PCYOX1L: variants seen among roughly 807,000 people sequenced by gnomAD.
PCYOX1L encodes prenylcysteine oxidase 1 like, also known as prenylcysteine oxidase 1-like.
PCYOX1L carries 40 observed loss-of-function variants against 44.1 expected under a neutral mutation model. The observed-to-expected ratio is 0.91, with a 90% CI of 0.70 to 1.18. The LOEUF is 1.18. Among genes scored for constraint, PCYOX1L ranks in the 50% most tolerant of loss-of-function variants. PCYOX1L has a pLI of 0.00. For missense variants in PCYOX1L, 605 were observed against 653.3 expected (o/e 0.93, Z 0.81); for synonymous variants, 266 against 282.8 (o/e 0.94, Z 0.60).
Position 149,368,095 on chromosome 5 carries a change from G to A in PCYOX1L, c.926G>A (p.Ser309Asn), listed in dbSNP as rs147845209. ...GCCACCCCCCTGCACCTGGACAACAGCAGCAGCAACTTAACCTTTGCAGGC... is the reference window on the plus strand; with the variant it reads ...GCCACCCCCCTGCACCTGGACAACAACAGCAGCAACTTAACCTTTGCAGGC... Reference protein sequence around the residue: ...VIATPLHLDNSSSNLTFAGFH... With the variant: ...VIATPLHLDNNSSNLTFAGFH... The change falls in exon 6 of 6, where the codon AGC (serine) becomes AAC (asparagine). Residue 309 changes from serine (S) to asparagine (N), a missense_variant. Coordinates refer to ENST00000274569, the MANE Select transcript of PCYOX1L (RefSeq NM_024028.4). The A allele has an allele frequency of 1.2e-5, 19 of 1,611,636 alleles. No individual in the cohort carries two copies. Among genetic ancestry groups the A allele is most frequent in the Non-Finnish European group, 1.4e-5 (17 of 1,178,784 alleles).
Position 149,363,727 on chromosome 5 carries a change from A to G in PCYOX1L, c.296-309A>G, listed in dbSNP as rs1758098584. On this transcript the variant is annotated intron_variant, in intron 2 of 5. Coordinates refer to ENST00000274569, the MANE Select transcript of PCYOX1L (RefSeq NM_024028.4). The stretch of plus-strand genomic sequence containing the variant: ...AACTTCCAAGTGATCTCAGTGCCCA[A>G]GGCCACCATCTCCAAACAAGCCCAG... 8.2e-6 allele frequency: 3 copies of G among 366,576 alleles called. No individual in the cohort carries two copies. The South Asian group carries it at 9.0e-5, about 11-fold the overall frequency. 22.7% of individuals were successfully genotyped at this position (366,576 alleles called of 1,614,324 possible). A position where few individuals can be genotyped will look rare whatever the true frequency, so the allele number is the denominator to read the frequency against.
chr5:149,366,493 T>C (rs1241110340), intron 4 of PCYOX1L, among the ~76,000 whole-genome samples: 1 of 152,210 alleles, frequency 6.6e-6, no homozygotes, highest in Non-Finnish European at 1.5e-5. Context: ...TGTTGAGGCC[T>C]TTGAGCCACT....
At chr5:149,360,298 A>G (rs1272304464) in intron 1 of PCYOX1L, among the ~76,000 whole-genome samples, 1 of 152,216 alleles carries the variant, frequency 6.6e-6, no homozygotes, top group Non-Finnish European at 1.5e-5. Flanking sequence ...CTGGTTCACA[A>G]TGAAGTGGTG....
At chr5:149,367,590 T>A in intron 5 of PCYOX1L, 90 bp downstream of exon 5, 1 of 1,542,232 alleles carries the variant, frequency 6.5e-7, no homozygotes, top group Non-Finnish European at 8.7e-7. Context: ...CCCTGGTCTG[T>A]GATCCCCCTG....
chr5:149,367,667 C>G (rs1007920879), intron 5 of PCYOX1L, among the ~76,000 whole-genome samples, 167 bp downstream of exon 5: 7 of 152,212 alleles, frequency 4.6e-5, no homozygotes, highest in African/African-American at 1.7e-4. Context: ...GGTGCTGTTT[C>G]CCCAATTCAG....
Position 149,368,386 on chromosome 5 carries a change from A to G in PCYOX1L, c.1217A>G (p.Gln406Arg). 6.2e-7 allele frequency: 1 copy of G among 1,614,174 alleles called. No individual in the cohort carries two copies. Among genetic ancestry groups the G allele is most frequent in the Non-Finnish European group, 8.5e-7 (1 of 1,180,026 alleles). The change falls in exon 6 of 6, where the codon CAG (glutamine) becomes CGG (arginine). Residue 406 changes from glutamine to arginine, a missense_variant. Physicochemically the swap from Gln to Arg is conservative, Grantham distance 43 (BLOSUM62 1). Coordinates refer to ENST00000274569, the MANE Select transcript of PCYOX1L (RefSeq NM_024028.4). ...VQSPKPLFRT[Q>R]LKTLFRSYYS... The stretch of plus-strand genomic sequence containing the variant: ...TCCCCCAAGCCCCTCTTTCGGACCC[A>G]GCTAAAGACCCTGTTCCGTTCCTAT...
At chr5:149,361,828 A>G (rs1296565581) in intron 1 of PCYOX1L, among the ~76,000 whole-genome samples, 1 of 152,160 alleles carries the variant, frequency 6.6e-6, no homozygotes, top group Non-Finnish European at 1.5e-5. Context: ...GGGTTTCACC[A>G]TGTTTGTCAG....
chr5:149,360,469 G>A (rs1236790968), intron 1 of PCYOX1L, among the ~76,000 whole-genome samples: 4 of 152,136 alleles, frequency 2.6e-5, no homozygotes, highest in Non-Finnish European at 4.4e-5. Context: ...ACTGTGAGAG[G>A]AAGTGGTTTA....
chr5:149,367,839 C>T (rs932509519), intron 5 of PCYOX1L, among the ~76,000 whole-genome samples, 154 bp from the exon 6 acceptor site: 15 of 152,156 alleles, frequency 9.9e-5, no homozygotes, highest in African/African-American at 2.4e-4. Flanking sequence ...CTTCTGCAGC[C>T]GCATCAGCAT....
Position 149,366,045 on chromosome 5 carries a change from G to A in PCYOX1L, c.574G>A (p.Ala192Thr). Residue 192 changes from alanine (A) to threonine (T), a missense_variant, in exon 4 of 6, where the codon GCT becomes ACT. Ala to Thr is a moderately conservative substitution (Grantham distance 58). Coordinates refer to ENST00000274569, the MANE Select transcript of PCYOX1L (RefSeq NM_024028.4). The part of the protein sequence containing the change: ...TFVNMTQHSV[A>T]ESLLQVGVTQ... Reference sequence around the variant, plus strand: ...TGTTAACATGACCCAGCACTCTGTGGCTGAGTCCCTGCTGCAGGTGGGCGT... The same window carrying A: ...TGTTAACATGACCCAGCACTCTGTGACTGAGTCCCTGCTGCAGGTGGGCGT... 1 of 1,614,234 alleles carries A rather than the reference G, an allele frequency of 6.2e-7. No homozygotes were observed. Among genetic ancestry groups the A allele is most frequent in the African/African-American group, 1.3e-5 (1 of 75,058 alleles).
At chr5:149,359,366 A>G (rs567232878) in intron 1 of PCYOX1L, among the ~76,000 whole-genome samples, 6 of 152,348 alleles carry the variant, frequency 3.9e-5, no homozygotes, top group African/African-American at 1.2e-4. Flanking sequence ...TTTGAGACTG[A>G]GAGTTTAGTG....
At chr5:149,362,568 G>A (rs1057406818) in intron 1 of PCYOX1L, 69 bp from the exon 2 acceptor site, 4 of 1,535,322 alleles carry the variant, frequency 2.6e-6, no homozygotes, top group African/African-American at 2.7e-5. Flanking sequence ...AGGATACAAA[G>A]TGTGAACTAC....
intron 1 of PCYOX1L, among the ~76,000 whole-genome samples, chr5:149,358,839 G>T (rs984885973): frequency 6.6e-6 from 1 of 152,196 alleles, no homozygotes; most frequent in African/African-American, 2.4e-5. Context: ...CAGATGTACA[G>T]CAAGAATTTT....
intron 1 of PCYOX1L, among the ~76,000 whole-genome samples, chr5:149,359,377 C>A (rs888227352): frequency 3.9e-5 from 6 of 152,226 alleles, no homozygotes; most frequent in Non-Finnish European, 7.3e-5. Flanking sequence ...GAGTTTAGTG[C>A]TTGCCAAGAA....
rs770178308 is a variant in PCYOX1L at position 149,368,100 on chromosome 5, A to G, written c.931A>G (p.Ser311Gly). 6.2e-7 allele frequency: 1 copy of G among 1,612,518 alleles called. No homozygotes were observed. Among genetic ancestry groups the G allele is most frequent in the Non-Finnish European group, 8.5e-7 (1 of 1,179,132 alleles). ...CCCCCTGCACCTGGACAACAGCAGC[A>G]GCAACTTAACCTTTGCAGGCTTCCA... is the stretch of plus-strand genomic sequence containing the variant. Reference protein sequence around the residue: ...ATPLHLDNSSSNLTFAGFHPP... With the variant: ...ATPLHLDNSSGNLTFAGFHPP... Residue 311 changes from serine to glycine, a missense_variant, in exon 6 of 6, where the codon AGC becomes GGC. Ser to Gly is a moderately conservative substitution (Grantham distance 56). Transcript: ENST00000274569.
In PCYOX1L at chr5:149,362,854, A is replaced by G. The variant is rs1758057637; in HGVS notation, c.295+11A>G. ...TCGTCAAGCTGCTGGGTGAGTGGTC[A>G]GTCCTGGGGCTCCAGTGCCCAGCGC... is the stretch of plus-strand genomic sequence containing the variant. On this transcript the variant is annotated intron_variant, in intron 2 of 5. Coordinates refer to ENST00000274569, the MANE Select transcript of PCYOX1L (RefSeq NM_024028.4). 2 of 1,613,192 alleles carry G rather than the reference A, an allele frequency of 1.2e-6. No individual in the cohort carries two copies. The highest frequency in any genetic ancestry group is 1.7e-5 in the Admixed American group (1 of 60,008).
rs757462073 is a variant in PCYOX1L at position 149,367,377 on chromosome 5, G to A, written c.700G>A (p.Gly234Arg). Residue 234 changes from glycine (G) to arginine (R), a missense_variant, in exon 5 of 6, where the codon GGG (glycine) becomes AGG (arginine). Coordinates refer to ENST00000274569, the MANE Select transcript of PCYOX1L (RefSeq NM_024028.4). ...TTGCCCAGGAGCCATGTCACTAGCC[G>A]GGGCCCAAGGCAGCCTGTGGTCTGT... ...PAFAGAMSLA[G>R]AQGSLWSVEG... 2.0e-5 allele frequency: 32 copies of A among 1,610,356 alleles called. No homozygotes were observed. The highest frequency in any genetic ancestry group is 3.3e-5 in the South Asian group (3 of 90,638).
In PCYOX1L at chr5:149,362,999, C is replaced by A. The variant is rs138741471; in HGVS notation, c.295+156C>A. On this transcript the variant is annotated intron_variant, in intron 2 of 5. Coordinates refer to ENST00000274569, the MANE Select transcript of PCYOX1L (RefSeq NM_024028.4). ...AACAGAAACAAGAGAGGGGAAGGAA[C>A]TTGCCTGAGGTTACACAGTGAGTTA... is the stretch of plus-strand genomic sequence containing the variant. 1.6e-4 allele frequency: 139 copies of A among 896,610 alleles called. 1 individual carries two copies. In the East Asian group the frequency reaches 3.6e-3, roughly 23 times the overall value. 55.5% of individuals were successfully genotyped at this position (896,610 alleles called of 1,614,324 possible). A position where few individuals can be genotyped will look rare whatever the true frequency, so the allele number is the denominator to read the frequency against.
intron 3 of PCYOX1L, chr5:149,365,322 C>T (rs978144787): frequency 2.0e-5 from 3 of 152,730 alleles, no homozygotes; most frequent in African/African-American, 7.2e-5. Context: ...GATAACCAAA[C>T]TCAACATGTT....
Sources: allele counts gnomAD v4.1 joint callset (sites outside exome capture counted in the v4.1 genomes callset), GRCh38; gene constraint gnomAD v4.1.1; transcripts MANE v1.5; gene names NCBI Gene and HGNC (gene_info 2026-07-23, HGNC 2026-07-21).